EPHA5: variants seen among roughly 807,000 people sequenced by gnomAD.
EPHA5 encodes the protein ephrin type-A receptor 5.
Under a neutral mutation model 105.0 loss-of-function variants are expected in EPHA5, and 60 were observed. The ratio of observed to expected loss-of-function variants is 0.57; its 90% confidence interval spans 0.46 to 0.71. The LOEUF is 0.71. Among genes scored for constraint, EPHA5 ranks in the 30% least tolerant of loss-of-function variants. The pLI is 0.00. For missense variants in EPHA5, 1,218 were observed against 1,274.7 expected, an observed-to-expected ratio of 0.96 and a Z score of 0.68; for synonymous variants, 513 against 449.1, an observed-to-expected ratio of 1.14 and a Z score of -1.80.
intron 11 of EPHA5, among the ~76,000 whole-genome samples, chr4:65,355,512 C>T (rs757662663): frequency 6.6e-6 from 1 of 151,512 alleles, no homozygotes; most frequent in Non-Finnish European, 1.5e-5. Flanking sequence ...GGGCTCTTTT[C>T]GTCCCATTCT....
intron 5 of EPHA5, among the ~76,000 whole-genome samples, chr4:65,446,688 A>G (rs1357392877): frequency 2.0e-5 from 3 of 152,062 alleles, no homozygotes; most frequent in African/African-American, 7.2e-5. Context: ...ATGTATGCAC[A>G]TGGGGTGCAT....
chr4:65,477,916 C>T (rs1305440666), intron 5 of EPHA5, among the ~76,000 whole-genome samples: 2 of 152,086 alleles, frequency 1.3e-5, no homozygotes, highest in East Asian at 3.9e-4. Flanking sequence ...CCCTGACGTG[C>T]TTTTTTGGAA....
chr4:65,515,293 T>TA (rs1221707024), intron 3 of EPHA5, among the ~76,000 whole-genome samples: 2 of 152,034 alleles, frequency 1.3e-5, no homozygotes, highest in South Asian at 2.1e-4. Flanking sequence ...TTTTCTTTTT[T>TA]AAAAAAAACA....
At chr4:65,334,200 A>T (rs1227146907) in intron 15 of EPHA5, among the ~76,000 whole-genome samples, 1 of 151,992 alleles carries the variant, frequency 6.6e-6, no homozygotes, top group Non-Finnish European at 1.5e-5. Flanking sequence ...GCAAATACTT[A>T]GGTCTATTTG....
intron 3 of EPHA5, among the ~76,000 whole-genome samples, chr4:65,532,267 T>C (rs1735878442): frequency 6.6e-6 from 1 of 152,106 alleles, no homozygotes; most frequent in Non-Finnish European, 1.5e-5. Context: ...AATGTGACTT[T>C]TAAAATCTCC....
Position 65,319,924 on chromosome 4 carries a change from A to G in EPHA5, c.*4190T>C, listed in dbSNP as rs180965980. On this transcript the variant is annotated 3_prime_UTR_variant, in exon 17 of 17. Transcript: ENST00000613740. The stretch of plus-strand genomic sequence containing the variant: ...AGAGTCATAGATATGTTGACCACTG[A>G]AACTTCTACTGTGAATACAGTTCCC... The G allele has an allele frequency of 3.1e-4, 71 of 230,320 alleles. 1 individual carries two copies. In the East Asian group the frequency reaches 3.3e-3, roughly 11 times the overall value. The allele number at this position is 230,320 out of a possible 1,614,324, so 14.3% of individuals were successfully genotyped here. A position where few individuals can be genotyped will look rare whatever the true frequency, so the allele number is the denominator to read the frequency against.
chr4:65,419,130 C>T (rs763785319), intron 6 of EPHA5, among the ~76,000 whole-genome samples: 109 of 151,698 alleles, frequency 7.2e-4, no homozygotes, highest in Non-Finnish European at 1.2e-3. Context: ...GGCGACCACC[C>T]GCCTCAGCCT....
intron 5 of EPHA5, among the ~76,000 whole-genome samples, chr4:65,450,439 C>A (rs557385525): frequency 5.9e-5 from 9 of 152,250 alleles, no homozygotes; most frequent in Admixed American, 4.6e-4. Context: ...CCAATGGACC[C>A]AGACACATAT....
intron 1 of EPHA5, among the ~76,000 whole-genome samples, chr4:65,660,922 T>G (rs898631425): frequency 1.3e-5 from 2 of 152,156 alleles, no homozygotes; most frequent in African/African-American, 4.8e-5. Flanking sequence ...TAATCTTTTA[T>G]TCTTACCCTT....
rs1302139731 is a variant in EPHA5, at chr4:65,555,199, G to T, written c.910+46442C>A. ...TTTACTCCCATGTGTGTCCTTAGTA[G>T]CAATGGATATGTGTGTTCAGGTTTA... On this transcript the variant is annotated intron_variant, in intron 3 of 16. Transcript: ENST00000613740. Among the ~76,000 whole-genome samples, 3 of 151,768 alleles carry T rather than the reference G, an allele frequency of 2.0e-5. No individual in the cohort carries two copies. In the East Asian group the frequency reaches 5.8e-4, roughly 29 times the overall value.
chr4:65,480,394 C>A (rs770176340), intron 5 of EPHA5, among the ~76,000 whole-genome samples: 1 of 152,056 alleles, frequency 6.6e-6, no homozygotes, highest in Non-Finnish European at 1.5e-5. Flanking sequence ...ACTCAGTTTC[C>A]GTTTCTCCTC....
At chr4:65,631,733 TATA>T (rs71205398) in intron 2 of EPHA5, among the ~76,000 whole-genome samples, 6 of 109,450 alleles carry the variant, frequency 5.5e-5, no homozygotes, top group African/African-American at 8.5e-5. Context: ...AAACTTAAAG[TATA>T]ATAATAATAA....
intron 3 of EPHA5, among the ~76,000 whole-genome samples, chr4:65,514,334 G>A (rs916328223): frequency 6.6e-6 from 1 of 152,126 alleles, no homozygotes; most frequent in Non-Finnish European, 1.5e-5. Context: ...GAGCAGAATT[G>A]AGAGTATGCA....
At chr4:65,571,831 C>T (rs945421624) in intron 3 of EPHA5, among the ~76,000 whole-genome samples, 5 of 151,926 alleles carry the variant, frequency 3.3e-5, no homozygotes, top group Admixed American at 6.6e-5. Context: ...TTCAGTATTT[C>T]GGGTCCAAAG....
At chr4:65,398,613 AAC>A (rs1721495933) in intron 8 of EPHA5, among the ~76,000 whole-genome samples, 1 of 152,138 alleles carries the variant, frequency 6.6e-6, no homozygotes, top group South Asian at 2.1e-4. Flanking sequence ...CAGTCCACTC[AAC>A]ACACACTTTC....
At chr4:65,526,220 A>G (rs539207009) in intron 3 of EPHA5, among the ~76,000 whole-genome samples, 67 of 152,042 alleles carry the variant, frequency 4.4e-4, no homozygotes, top group African/African-American at 1.5e-3. Flanking sequence ...GGAAAGGACT[A>G]TAATTGTCCC....
At chr4:65,637,346 G>T (rs1253005021) in intron 2 of EPHA5, among the ~76,000 whole-genome samples, 1 of 150,296 alleles carries the variant, frequency 6.7e-6, no homozygotes, top group Admixed American at 6.7e-5. Flanking sequence ...TAACTTAAAT[G>T]AATGAGGAGT....
At chr4:65,416,297 A>T (rs1041599391) in intron 6 of EPHA5, among the ~76,000 whole-genome samples, 1 of 152,092 alleles carries the variant, frequency 6.6e-6, no homozygotes, top group Non-Finnish European at 1.5e-5. Context: ...AGATGAGAAA[A>T]TGTGGGTAAA....
intron 8 of EPHA5, among the ~76,000 whole-genome samples, chr4:65,370,921 A>T (rs926072247): frequency 6.6e-6 from 1 of 152,098 alleles, no homozygotes; most frequent in Non-Finnish European, 1.5e-5. Context: ...AGAGACTGGT[A>T]CTCAGGCAGC....
Sources: allele counts gnomAD v4.1 joint callset (sites outside exome capture counted in the v4.1 genomes callset), GRCh38; gene constraint gnomAD v4.1.1; transcripts MANE v1.5; gene names NCBI Gene and HGNC (gene_info 2026-07-23, HGNC 2026-07-21).